The following MCF2L2 variants were observed in gnomAD, a reference collection of about 807,000 sequenced individuals.
The protein encoded by MCF2L2 is MCF.2 cell line derived transforming sequence-like 2, also known as probable guanine nucleotide exchange factor MCF2L2.
MCF2L2 carries 102 observed loss-of-function variants against 150.2 expected under a neutral mutation model. The ratio of observed to expected loss-of-function variants is 0.68; its 90% confidence interval spans 0.58 to 0.80. The LOEUF (loss-of-function observed/expected upper bound fraction) is 0.80. Among genes scored for constraint, MCF2L2 ranks in the 30% least tolerant of loss-of-function variants. The pLI is 0.00. For missense variants in MCF2L2, 1,256 were observed against 1,372.8 expected (o/e 0.91, Z 1.34); for synonymous variants, 465 against 491.3 (o/e 0.95, Z 0.71).
intron 13 of MCF2L2, among the ~76,000 whole-genome samples, chr3:183,294,633 A>ATTT (rs754395602): frequency 0.16 from 20,198 of 129,608 alleles, 1,969 homozygotes; most frequent in East Asian, 0.38. Context: ...ATATATATAT[A>ATTT]TTTTTTTTTT....
At chr3:183,293,859 T>C (rs1577033776) in intron 13 of MCF2L2, among the ~76,000 whole-genome samples, 1 of 152,188 alleles carries the variant, frequency 6.6e-6, no homozygotes, top group South Asian at 2.1e-4. Context: ...ATTCCATTCA[T>C]TATAGGGTTA....
rs1190006384 is a variant in MCF2L2, at chr3:183,179,497, G to T, written c.3228C>A (p.Thr1076=). 1 of 1,609,426 alleles carries T rather than the reference G, an allele frequency of 6.2e-7. No individual in the cohort carries two copies. The highest frequency in any genetic ancestry group is 8.5e-7 in the Non-Finnish European group (1 of 1,177,256). The stretch of plus-strand genomic sequence containing the variant: ...CAGCGCGCTCCTCCTCGGTGCTGCG[G>T]GTCGCCCTGCAATTCCGAGAAGAAA... ...KEERDEEETA[T]RSTEEERAGA... is the part of the protein sequence containing the mutation. Residue 1076 remains threonine, a synonymous_variant, in exon 30 of 30, where the codon ACC becomes ACA. Coordinates refer to ENST00000328913, the MANE Select transcript of MCF2L2 (RefSeq NM_015078.4). This position sits in a 1 kb window ranked among gnomAD's most constrained non-coding sequence, Gnocchi z 4.2.
intron 3 of MCF2L2, among the ~76,000 whole-genome samples, chr3:183,362,588 T>C (rs1222881511): frequency 6.8e-6 from 1 of 146,178 alleles, no homozygotes. Context: ...ATAGGTACAA[T>C]TTAGCATCTT....
chr3:183,244,950 A>G (rs1427674798), intron 15 of MCF2L2, among the ~76,000 whole-genome samples: 3 of 152,076 alleles, frequency 2.0e-5, no homozygotes, highest in Non-Finnish European at 4.4e-5. Flanking sequence ...TTATAAAAAC[A>G]CAGGGTTTCA....
At chr3:183,276,738 T>C (rs967976629) in intron 15 of MCF2L2, 134 bp downstream of exon 15, 6 of 525,936 alleles carry the variant, frequency 1.1e-5, no homozygotes, top group Non-Finnish European at 2.0e-5. Flanking sequence ...GGTACATAAA[T>C]GAAGGTTAGT....
intron 3 of MCF2L2, among the ~76,000 whole-genome samples, chr3:183,370,610 TAAAAC>T (rs1712816697): frequency 6.6e-6 from 1 of 152,230 alleles, no homozygotes; most frequent in Non-Finnish European, 1.5e-5. Context: ...GGAGGTATTC[TAAAAC>T]AATCACCCAG....
chr3:183,295,906 C>A (rs150659030), intron 12 of MCF2L2, among the ~76,000 whole-genome samples: 4 of 152,182 alleles, frequency 2.6e-5, no homozygotes, highest in Admixed American at 1.3e-4. Flanking sequence ...TGCACTGAGC[C>A]GAGATCATGC....
chr3:183,346,984 A>G (rs892498501), intron 3 of MCF2L2, among the ~76,000 whole-genome samples: 2 of 152,226 alleles, frequency 1.3e-5, no homozygotes, highest in Non-Finnish European at 2.9e-5. Flanking sequence ...CATACTGCCC[A>G]AAGTAATTTA....
intron 1 of MCF2L2, among the ~76,000 whole-genome samples, chr3:183,421,302 G>C (rs1446731169): frequency 6.6e-6 from 1 of 151,792 alleles, no homozygotes; most frequent in Non-Finnish European, 1.5e-5. Flanking sequence ...ATTTATATTA[G>C]TGCACTTACT....
intron 23 of MCF2L2, 120 bp from the exon 24 acceptor site, chr3:183,206,334 A>T (rs1252484855): frequency 7.8e-6 from 6 of 765,510 alleles, no homozygotes; most frequent in Non-Finnish European, 1.3e-5. Context: ...CTTCCTTTCA[A>T]GTTTTTGCTT....
intron 13 of MCF2L2, among the ~76,000 whole-genome samples, chr3:183,292,784 G>A (rs907110334): frequency 6.6e-6 from 1 of 152,096 alleles, no homozygotes; most frequent in Admixed American, 6.6e-5. Flanking sequence ...GCATAGAATG[G>A]TATGAAACTA....
At chr3:183,210,318 A>G (rs1191517020) in intron 22 of MCF2L2, among the ~76,000 whole-genome samples, 2 of 152,242 alleles carry the variant, frequency 1.3e-5, no homozygotes, top group Non-Finnish European at 2.9e-5. Flanking sequence ...AAGAGGTTAT[A>G]TGTAAAATGC....
chr3:183,334,060 C>A (rs1479969545), intron 5 of MCF2L2, among the ~76,000 whole-genome samples: 1 of 151,534 alleles, frequency 6.6e-6, no homozygotes, highest in Non-Finnish European at 1.5e-5. Flanking sequence ...GCTGGAGCAC[C>A]ACGATAATTG....
chr3:183,343,200 G>C (rs1292079662), intron 3 of MCF2L2, among the ~76,000 whole-genome samples: 1 of 152,078 alleles, frequency 6.6e-6, no homozygotes, highest in Non-Finnish European at 1.5e-5. Context: ...TTAAATATGA[G>C]AGAACTCTGA....
chr3:183,381,609 T>G (rs1271584057), intron 2 of MCF2L2, among the ~76,000 whole-genome samples: 3 of 152,236 alleles, frequency 2.0e-5, no homozygotes, highest in Non-Finnish European at 2.9e-5. Flanking sequence ...GTGAGTGTTG[T>G]TAATATGGGT....
intron 10 of MCF2L2, among the ~76,000 whole-genome samples, chr3:183,309,217 G>C (rs932673555): frequency 6.6e-6 from 1 of 152,044 alleles, no homozygotes; most frequent in African/African-American, 2.4e-5. Context: ...GAACTAACAT[G>C]GACCAATTTC....
At chr3:183,291,430 T>C (rs140033948) in intron 13 of MCF2L2, among the ~76,000 whole-genome samples, 6 of 152,382 alleles carry the variant, frequency 3.9e-5, no homozygotes, top group Non-Finnish European at 5.9e-5. Context: ...TTGTGAAGAA[T>C]GTAGATCATA....
chr3:183,349,819 C>T (rs1238423050), intron 3 of MCF2L2, among the ~76,000 whole-genome samples: 1 of 152,086 alleles, frequency 6.6e-6, no homozygotes, highest in Admixed American at 6.6e-5. Context: ...TTTTTCACAG[C>T]AAACCTGCTT....
intron 27 of MCF2L2, chr3:183,192,693 T>G: frequency 3.6e-6 from 1 of 280,066 alleles, no homozygotes. Flanking sequence ...AATTTTTCCA[T>G]TTGATATTTG....
Sources: gnomAD v4.1 joint callset for allele counts (sites outside exome capture counted in the v4.1 genomes callset) on GRCh38, gnomAD v4.1.1 for gene constraint, Gnocchi (gnomAD v3.1) non-coding constraint, MANE v1.5 for transcripts, NCBI Gene and HGNC (gene_info 2026-07-23, HGNC 2026-07-21) for gene names.